The following R3HDM4 variants were observed in gnomAD, a reference collection of about 807,000 sequenced individuals.
The protein encoded by R3HDM4 is R3H domain-containing protein 4.
In R3HDM4, 30 loss-of-function variants were observed where a neutral mutation model predicts 31.3. That is an observed-to-expected ratio of 0.96 (90% CI 0.72 to 1.30). The LOEUF (loss-of-function observed/expected upper bound fraction) is 1.30. Ranked by LOEUF, R3HDM4 falls within the 50% of genes most tolerant of loss-of-function variation. R3HDM4 has a pLI of 0.00. For missense variants in R3HDM4, 444 were observed against 366.1 expected (o/e 1.21, Z -1.74); for synonymous variants, 196 against 156.6 (o/e 1.25, Z -1.88).
At chr19:898,236 A>G (rs1260594081) in intron 7 of R3HDM4, among the ~76,000 whole-genome samples, 1 of 143,852 alleles carries the variant, frequency 7.0e-6, no homozygotes, top group East Asian at 2.0e-4. Flanking sequence ...AAAAATATAT[A>G]TATATATATA....
chr19:903,468 C>T (rs908414983), intron 1 of R3HDM4, among the ~76,000 whole-genome samples: 41 of 151,590 alleles, frequency 2.7e-4, no homozygotes, highest in African/African-American at 8.5e-4. Context: ...GGGGTAAGCG[C>T]GCACCGCAGC....
rs761492406 is a variant in R3HDM4 at position 899,589 on chromosome 19, GC to G, written c.647+11del. ...CCTCGGAGGGTCCGCTCGCCTGGCC[GC>G]CCCCCCTTACCTGTTGTCTAGCATT... On this transcript the variant is annotated intron_variant, in intron 6 of 7. Transcript: ENST00000361574. The surrounding 1 kb of genome is among the most constrained non-coding windows in gnomAD (Gnocchi z 6.8). 2.1e-5 allele frequency: 34 copies of G among 1,611,244 alleles called. No individual in the cohort carries two copies. The highest frequency in any genetic ancestry group is 5.0e-5 in the Admixed American group (3 of 59,796).
At chr19:901,001 G>A (rs775222820) in intron 3 of R3HDM4, 49 bp from the exon 4 acceptor site, 3 of 1,513,032 alleles carry the variant, frequency 2.0e-6, no homozygotes, top group African/African-American at 1.4e-5. Flanking sequence ...CTGGGGCTGC[G>A]CTGACATCCC....
chr19:898,404 CAAAAAAA>C (rs67161788), intron 7 of R3HDM4, among the ~76,000 whole-genome samples: 1 of 97,576 alleles, frequency 1.0e-5, no homozygotes, highest in Non-Finnish European at 1.9e-5. Flanking sequence ...GACTTGGTCT[CAAAAAAA>C]AAAAAAAAAA....
rs373853252 is a variant in R3HDM4, at chr19:899,521, G to A, written c.648-26C>T. On this transcript the variant is annotated intron_variant, in intron 6 of 7. Transcript: ENST00000361574. This position sits in a 1 kb window ranked among gnomAD's most constrained non-coding sequence, Gnocchi z 6.8. ...CTGTGGGGAACGGGCAGTGAGCGCC[G>A]TGCAGGGGCTGCAGCGTGGGGTGTC... The A allele has an allele frequency of 5.9e-5, 95 of 1,613,416 alleles. No individual in the cohort carries two copies. Among genetic ancestry groups the A allele is most frequent in the Middle Eastern group, 1.7e-4 (1 of 6,060 alleles).
At position 913,154 on chromosome 19, in the gene R3HDM4, C is replaced by T; in HGVS notation, c.4G>A (p.Val2Ile). The change falls in exon 1 of 8, where the codon GTC becomes ATC. Residue 2 changes from valine (V) to isoleucine (I), a missense_variant. Transcript: ENST00000361574. The surrounding 1 kb of genome is among the most constrained non-coding windows in gnomAD (Gnocchi z 5.0). The part of the protein sequence containing the change: M[V>I]ALENPECGPE... ...CCGCACTCGGGGTTCTCCAGCGCGA[C>T]CATGGCTCGCACGCTGTCGCCGCCG... is the stretch of plus-strand genomic sequence containing the variant. The T allele has an allele frequency of 1.9e-6, 2 of 1,079,492 alleles. No individual in the cohort carries two copies. The highest frequency in any genetic ancestry group is 2.2e-6 in the Non-Finnish European group (2 of 891,792). The allele number at this position is 1,079,492 out of a possible 1,614,324, so 66.9% of individuals were successfully genotyped here.
intron 1 of R3HDM4, among the ~76,000 whole-genome samples, chr19:902,828 CT>C (rs1465943241): frequency 6.6e-6 from 1 of 151,830 alleles, no homozygotes; most frequent in African/African-American, 2.4e-5. Context: ...GTAATCTCAG[CT>C]TACTCAGGAG....
chr19:905,526 A>C (rs2036891979), intron 1 of R3HDM4, among the ~76,000 whole-genome samples: 1 of 150,042 alleles, frequency 6.7e-6, no homozygotes, highest in Non-Finnish European at 1.5e-5. Flanking sequence ...AAAAAAACAA[A>C]ACAAAACAAT....
intron 1 of R3HDM4, 42 bp from the exon 2 acceptor site, chr19:902,172 C>A: frequency 6.2e-7 from 1 of 1,604,112 alleles, no homozygotes; most frequent in Non-Finnish European, 8.5e-7. Context: ...TCAAGGCCGG[C>A]CAGGATCTCC....
chr19:899,233 C>T lies in R3HDM4; in HGVS notation c.703+207G>A, dbSNP rs921185969. Among the ~76,000 whole-genome samples the T allele has an allele frequency of 5.9e-5, 9 of 152,064 alleles. No homozygotes were observed. Among genetic ancestry groups the T allele is most frequent in the African/African-American group, 1.9e-4 (8 of 41,382 alleles). ...AGCAGCCTGGTTGTGTCTGCGGTCA[C>T]CCTGCGTGGGGCCGCATATGCAGGG... On this transcript the variant is annotated intron_variant, in intron 7 of 7. Coordinates refer to ENST00000361574, the MANE Select transcript of R3HDM4 (RefSeq NM_138774.4). This position sits in a 1 kb window ranked among gnomAD's most constrained non-coding sequence, Gnocchi z 6.8.
At chr19:901,781 GCCCTGAT>G in intron 2 of R3HDM4, 188 bp downstream of exon 2, 1 of 440,700 alleles carries the variant, frequency 2.3e-6, no homozygotes, top group Non-Finnish European at 4.2e-6. Context: ...CTCCCACCCA[GCCCTGAT>G]CCAAGAGTCC....
intron 3 of R3HDM4, 125 bp downstream of exon 3, chr19:901,297 G>A: frequency 9.4e-7 from 1 of 1,066,556 alleles, no homozygotes; most frequent in Non-Finnish European, 1.3e-6. Flanking sequence ...AGACTGAGGG[G>A]CCTTCATTAG....
intron 7 of R3HDM4, among the ~76,000 whole-genome samples, chr19:897,869 C>T (rs2036761611): frequency 6.6e-6 from 1 of 152,254 alleles, no homozygotes; most frequent in African/African-American, 2.4e-5. Context: ...TGTCCGGCCT[C>T]CCCTCAGGCT....
At chr19:898,404 CA>C (rs67161788) in intron 7 of R3HDM4, among the ~76,000 whole-genome samples, 37,535 of 96,958 alleles carry the variant, frequency 0.39, 6,788 homozygotes, top group African/African-American at 0.52. Context: ...GACTTGGTCT[CA>C]AAAAAAAAAA....
intron 1 of R3HDM4, among the ~76,000 whole-genome samples, chr19:911,768 A>G (rs2145305771): frequency 1.3e-5 from 2 of 151,898 alleles, no homozygotes; most frequent in South Asian, 4.2e-4. Flanking sequence ...CACACGGCTG[A>G]CCCCCGCACA....
chr19:902,138 C>T lies in R3HDM4; in HGVS notation c.72-8G>A, dbSNP rs1461504753. 6.2e-7 allele frequency: 1 copy of T among 1,611,914 alleles called. No homozygotes were observed. The highest frequency in any genetic ancestry group is 1.7e-5 in the Admixed American group (1 of 60,020). ...AGGCAGCTGGGAAGGGGCCTGTGGG[C>T]CGGGGCAGGGGTGGTCCTCAGGGTC... is the stretch of plus-strand genomic sequence containing the variant. On this transcript the variant is annotated splice_polypyrimidine_tract_variant and splice_region_variant and intron_variant, in intron 1 of 7. Transcript: ENST00000361574.
At chr19:908,679 C>G (rs2036935102) in intron 1 of R3HDM4, among the ~76,000 whole-genome samples, 1 of 152,124 alleles carries the variant, frequency 6.6e-6, no homozygotes, top group Admixed American at 6.5e-5. Flanking sequence ...CACAGTGCTC[C>G]AAACTCAGGG....
intron 1 of R3HDM4, among the ~76,000 whole-genome samples, chr19:911,577 T>C (rs566622642): frequency 1.3e-4 from 20 of 152,342 alleles, no homozygotes; most frequent in African/African-American, 4.8e-4. Flanking sequence ...GAGGCCACAC[T>C]TACTATCCCA....
rs1213818635 is a variant in R3HDM4 at position 899,759 on chromosome 19, C to T, written c.562-73G>A. ...GGGGGCCAGGGAGGTCCAGGGCCCC[C>T]AGGAGCCCACAGCGCTGGGCTCAAA... On this transcript the variant is annotated intron_variant, in intron 5 of 7. Coordinates refer to ENST00000361574, the MANE Select transcript of R3HDM4 (RefSeq NM_138774.4). This position sits in a 1 kb window ranked among gnomAD's most constrained non-coding sequence, Gnocchi z 6.8. The T allele has an allele frequency of 8.2e-7, 1 of 1,222,916 alleles. No homozygotes were observed. 75.8% of individuals were successfully genotyped at this position (1,222,916 alleles called of 1,614,324 possible).
Sources: allele counts gnomAD v4.1 joint callset (sites outside exome capture counted in the v4.1 genomes callset), GRCh38; gene constraint gnomAD v4.1.1; non-coding constraint Gnocchi (gnomAD v3.1); transcripts MANE v1.5; gene names NCBI Gene and HGNC (gene_info 2026-07-23, HGNC 2026-07-21).